Variants in NRG2 observed in about 807,000 individuals in gnomAD.
NRG2 encodes the protein neuregulin 2.
A neutral mutation model predicts 73.9 loss-of-function variants in NRG2; 27 were observed. That is an observed-to-expected ratio of 0.37 (90% CI 0.27 to 0.50). The LOEUF (loss-of-function observed/expected upper bound fraction) is 0.50. Ranked by LOEUF, NRG2 falls within the 20% of genes least tolerant of loss-of-function variation. The pLI, the probability that NRG2 is intolerant of heterozygous loss-of-function variation, is 0.96. For missense variants in NRG2, 1,126 were observed against 1,210.1 expected, an observed-to-expected ratio of 0.93 and a Z score of 1.03; for synonymous variants, 532 against 541.0, an observed-to-expected ratio of 0.98 and a Z score of 0.23.
intron 1 of NRG2, among the ~76,000 whole-genome samples, chr5:139,913,470 C>T (rs1266686614): frequency 1.3e-5 from 2 of 152,172 alleles, no homozygotes; most frequent in African/African-American, 4.8e-5. Flanking sequence ...TCCACAATTT[C>T]CCCCTAAATT....
At chr5:139,866,733 C>T (rs1052056605) in intron 4 of NRG2, among the ~76,000 whole-genome samples, 1 of 152,188 alleles carries the variant, frequency 6.6e-6, no homozygotes, top group African/African-American at 2.4e-5. Context: ...CTAAAGCACC[C>T]CCCACTCAAT....
intron 1 of NRG2, among the ~76,000 whole-genome samples, chr5:140,023,016 A>G (rs115950547): frequency 0.013 from 1,944 of 152,238 alleles, 32 homozygotes; most frequent in African/African-American, 0.044. Flanking sequence ...CTCTTCCCCC[A>G]GTTTCCCTGG....
Position 140,043,295 on chromosome 5 carries a change from AGG to A in NRG2, c.-228_-227del. ...CACCCTGTGCGCCAGGACCTGGAGG[AGG>A]ATGCGGAGGATGGGACGCCCGCCCA... On this transcript the variant is annotated 5_prime_UTR_variant, in exon 1 of 10. Transcript: ENST00000361474. The surrounding 1 kb of genome is among the most constrained non-coding windows in gnomAD (Gnocchi z 6.7). The A allele has an allele frequency of 1.9e-6, 1 of 540,060 alleles. No individual in the cohort carries two copies. Among genetic ancestry groups the A allele is most frequent in the Non-Finnish European group, 3.2e-6 (1 of 309,934 alleles). 33.5% of individuals were successfully genotyped at this position (540,060 alleles called of 1,614,324 possible). A position where few individuals can be genotyped will look rare whatever the true frequency, so the allele number is the denominator to read the frequency against.
At chr5:139,973,600 A>G (rs1756148390) in intron 1 of NRG2, among the ~76,000 whole-genome samples, 1 of 152,188 alleles carries the variant, frequency 6.6e-6, no homozygotes, top group Non-Finnish European at 1.5e-5. Context: ...GAGCTCAAAC[A>G]ATCCTCCTGC....
At chr5:139,884,960 A>G (rs1341552490) in intron 2 of NRG2, among the ~76,000 whole-genome samples, 1 of 152,030 alleles carries the variant, frequency 6.6e-6, no homozygotes, top group Non-Finnish European at 1.5e-5. Flanking sequence ...TCAGGGGTTG[A>G]GCAGCAGAGA....
chr5:140,017,702 A>G (rs1258156863), intron 1 of NRG2, among the ~76,000 whole-genome samples: 1 of 152,222 alleles, frequency 6.6e-6, no homozygotes, highest in Non-Finnish European at 1.5e-5. Flanking sequence ...TGAGAAGAGA[A>G]GAGGTCATGA....
chr5:140,013,391 T>C (rs1759522357), intron 1 of NRG2, among the ~76,000 whole-genome samples: 1 of 152,166 alleles, frequency 6.6e-6, no homozygotes, highest in Admixed American at 6.5e-5. Flanking sequence ...TACTTCTATA[T>C]TAAAAAATAA....
At chr5:139,927,768 A>C in intron 1 of NRG2, among the ~76,000 whole-genome samples, 1 of 139,162 alleles carries the variant, frequency 7.2e-6, no homozygotes, top group Middle Eastern at 3.3e-3. Flanking sequence ...TTGTCTCAAA[A>C]AAAAAAAAAA....
At chr5:140,029,869 G>A (rs1761001696) in intron 1 of NRG2, among the ~76,000 whole-genome samples, 1 of 151,960 alleles carries the variant, frequency 6.6e-6, no homozygotes, top group African/African-American at 2.4e-5. Flanking sequence ...GAAGGGAGAG[G>A]GGAAAGAGGT....
chr5:140,018,071 A>C (rs1759937106), intron 1 of NRG2, among the ~76,000 whole-genome samples: 1 of 152,146 alleles, frequency 6.6e-6, no homozygotes, highest in Non-Finnish European at 1.5e-5. Flanking sequence ...TTTTCCCAAG[A>C]AAAACCTCAA....
intron 1 of NRG2, among the ~76,000 whole-genome samples, chr5:139,930,128 A>T (rs1554109650): frequency 6.6e-6 from 1 of 152,176 alleles, no homozygotes; most frequent in Non-Finnish European, 1.5e-5. Context: ...GCTTTTTCCT[A>T]AGTTTCTCCT....
intron 1 of NRG2, among the ~76,000 whole-genome samples, chr5:139,893,632 T>C (rs1311834817): frequency 6.6e-6 from 1 of 152,166 alleles, no homozygotes; most frequent in Non-Finnish European, 1.5e-5. Flanking sequence ...TAAGGTTTCC[T>C]CCTCAGACCA....
chr5:139,994,229 A>G (rs1392698996), intron 1 of NRG2, among the ~76,000 whole-genome samples: 1 of 152,240 alleles, frequency 6.6e-6, no homozygotes, highest in East Asian at 1.9e-4. Context: ...GTTCCAAAAA[A>G]AAGAAATTGT....
chr5:140,010,423 G>A (rs1384407975), intron 1 of NRG2, among the ~76,000 whole-genome samples: 4 of 152,168 alleles, frequency 2.6e-5, no homozygotes, highest in African/African-American at 7.2e-5. Flanking sequence ...TGATAATGGC[G>A]TGTCAATGTA....
chr5:139,872,136 G>A (rs1762892800), intron 3 of NRG2, among the ~76,000 whole-genome samples: 1 of 152,220 alleles, frequency 6.6e-6, no homozygotes, highest in East Asian at 1.9e-4. Flanking sequence ...AGCAGGAACT[G>A]CTTCCTCTGC....
At chr5:139,882,419 C>A (rs1003407032) in intron 2 of NRG2, among the ~76,000 whole-genome samples, 1 of 152,184 alleles carries the variant, frequency 6.6e-6, no homozygotes, top group African/African-American at 2.4e-5. Context: ...ATGGTAATGT[C>A]CTTGCTGATG....
intron 1 of NRG2, among the ~76,000 whole-genome samples, chr5:139,918,535 T>G (rs1460982791): frequency 2.6e-5 from 4 of 152,140 alleles, no homozygotes; most frequent in Admixed American, 6.5e-5. Context: ...CATCTTCACA[T>G]AGCAGATGAG....
intron 1 of NRG2, among the ~76,000 whole-genome samples, chr5:139,963,465 C>A (rs1239526694): frequency 6.6e-6 from 1 of 152,212 alleles, no homozygotes; most frequent in South Asian, 2.1e-4. Flanking sequence ...GTTTCTTCTG[C>A]AGACAGCTAA....
At chr5:139,991,436 T>C (rs1757621148) in intron 1 of NRG2, among the ~76,000 whole-genome samples, 1 of 152,072 alleles carries the variant, frequency 6.6e-6, no homozygotes, top group South Asian at 2.1e-4. Flanking sequence ...GGGGTGTTTT[T>C]TACATTTCAT....
Sources: allele counts gnomAD v4.1 joint callset (sites outside exome capture counted in the v4.1 genomes callset), GRCh38; gene constraint gnomAD v4.1.1; non-coding constraint Gnocchi (gnomAD v3.1); transcripts MANE v1.5; gene names NCBI Gene and HGNC (gene_info 2026-07-23, HGNC 2026-07-21).